Variants in DAB1 observed in about 807,000 individuals in gnomAD.
The protein encoded by DAB1 is DAB adaptor protein 1.
In DAB1, 15 loss-of-function variants were observed where a neutral mutation model predicts 64.6. The ratio of observed to expected loss-of-function variants is 0.23; its 90% CI spans 0.16 to 0.36. DAB1 has a LOEUF of 0.36. DAB1 is among the 10% of genes least tolerant of loss of function. The pLI is 1.00. For synonymous variants in DAB1, 235 were observed against 251.9 expected, an observed-to-expected ratio of 0.93 and a Z score of 0.64; for missense variants, 596 against 706.7, an observed-to-expected ratio of 0.84 and a Z score of 1.78.
intron 2 of DAB1, among the ~76,000 whole-genome samples, chr1:57,256,265 T>A (rs952670612): frequency 2.6e-5 from 4 of 152,178 alleles, no homozygotes; most frequent in African/African-American, 9.7e-5. Context: ...TAATCAGAGA[T>A]CACAAAAGTT....
chr1:57,810,613 T>C (rs1234885507), intron 6 of DAB1, among the ~76,000 whole-genome samples: 1 of 152,084 alleles, frequency 6.6e-6, no homozygotes, highest in Admixed American at 6.5e-5. Context: ...TAACAACTCA[T>C]CCTCAGCTGT....
intron 6 of DAB1, among the ~76,000 whole-genome samples, chr1:57,715,381 C>T (rs1446161149): frequency 2.0e-5 from 3 of 152,108 alleles, no homozygotes; most frequent in Non-Finnish European, 4.4e-5. Flanking sequence ...GACAAGGATG[C>T]CCACTTTCAC....
chr1:57,666,173 G>T (rs1433367787), intron 6 of DAB1, among the ~76,000 whole-genome samples: 1 of 152,002 alleles, frequency 6.6e-6, no homozygotes, highest in African/African-American at 2.4e-5. Flanking sequence ...ATTTTATGAG[G>T]AGCACATTCA....
chr1:58,338,852 A>G (rs1663184603), intron 4 of DAB1, among the ~76,000 whole-genome samples: 1 of 152,256 alleles, frequency 6.6e-6, no homozygotes, highest in Non-Finnish European at 1.5e-5. Flanking sequence ...TCTGATTCAT[A>G]CTGTAACATA....
intron 4 of DAB1, among the ~76,000 whole-genome samples, chr1:58,257,388 C>T (rs988646354): frequency 2.0e-5 from 3 of 152,228 alleles, no homozygotes; most frequent in Non-Finnish European, 4.4e-5. Flanking sequence ...ATCCAGCCTG[C>T]TCTCCAAACC....
intron 4 of DAB1, among the ~76,000 whole-genome samples, chr1:58,327,790 C>T (rs1662869208): frequency 6.6e-6 from 1 of 152,146 alleles, no homozygotes; most frequent in Non-Finnish European, 1.5e-5. Flanking sequence ...GAAACCCTGT[C>T]TCTACTAAAA....
chr1:57,257,740 T>G (rs1198573897), intron 2 of DAB1, among the ~76,000 whole-genome samples: 2 of 152,338 alleles, frequency 1.3e-5, no homozygotes, highest in East Asian at 3.9e-4. Flanking sequence ...ATACTCCCTC[T>G]GGGGGCTCTG....
chr1:57,705,874 G>GTTTTT (rs11375591), intron 6 of DAB1, among the ~76,000 whole-genome samples: 1 of 144,768 alleles, frequency 6.9e-6, no homozygotes, highest in Non-Finnish European at 1.5e-5. Context: ...CAATACTAGG[G>GTTTTT]TTTTTTTTTT....
intron 1 of DAB1, among the ~76,000 whole-genome samples, chr1:57,320,576 C>A (rs1301167801): frequency 6.6e-6 from 1 of 152,160 alleles, no homozygotes; most frequent in Non-Finnish European, 1.5e-5. Flanking sequence ...ATGCATGGAT[C>A]TCTTGCTCAG....
intron 4 of DAB1, among the ~76,000 whole-genome samples, chr1:58,332,728 T>C (rs971043046): frequency 6.6e-6 from 1 of 152,092 alleles, no homozygotes; most frequent in Non-Finnish European, 1.5e-5. Flanking sequence ...GACAGAAATA[T>C]GGCTGGACAT....
At chr1:57,685,367 C>T (rs1304028452) in intron 6 of DAB1, among the ~76,000 whole-genome samples, 1 of 151,994 alleles carries the variant, frequency 6.6e-6, no homozygotes, top group African/African-American at 2.4e-5. Flanking sequence ...ACTTAAGTCT[C>T]CTAAATATAC....
At chr1:57,570,340 C>T (rs1645179292) in intron 7 of DAB1, among the ~76,000 whole-genome samples, 1 of 152,084 alleles carries the variant, frequency 6.6e-6, no homozygotes, top group African/African-American at 2.4e-5. Context: ...TCTCACTGGG[C>T]AGACAACCTA....
At chr1:57,273,945 C>T (rs1011658911) in intron 2 of DAB1, among the ~76,000 whole-genome samples, 2 of 152,046 alleles carry the variant, frequency 1.3e-5, no homozygotes, top group Non-Finnish European at 2.9e-5. Context: ...CAGATGCAAA[C>T]CTCACCCTAT....
chr1:58,119,418 C>T (rs1201191558), intron 5 of DAB1, among the ~76,000 whole-genome samples: 1 of 152,100 alleles, frequency 6.6e-6, no homozygotes, highest in Non-Finnish European at 1.5e-5. Flanking sequence ...GTGGGTGCTG[C>T]CCCAAGCCCA....
chr1:57,737,438 C>T (rs934427772), intron 6 of DAB1, among the ~76,000 whole-genome samples: 3 of 152,150 alleles, frequency 2.0e-5, no homozygotes, highest in South Asian at 2.1e-4. Context: ...AAGCACTTAC[C>T]CTTTGCACGT....
At chr1:58,027,304 G>A (rs186316368) in intron 5 of DAB1, among the ~76,000 whole-genome samples, 92 of 152,220 alleles carry the variant, frequency 6.0e-4, no homozygotes, top group African/African-American at 2.1e-3. Flanking sequence ...CTGGCTTCAA[G>A]GGATCTCTTG....
chr1:58,164,505 G>A (rs1254772434), intron 4 of DAB1, among the ~76,000 whole-genome samples: 4 of 152,080 alleles, frequency 2.6e-5, no homozygotes, highest in African/African-American at 7.2e-5. Context: ...TTTTCCAGTC[G>A]GCTCTGATTT....
At chr1:58,098,645 G>C (rs1651131555) in intron 5 of DAB1, among the ~76,000 whole-genome samples, 1 of 152,180 alleles carries the variant, frequency 6.6e-6, no homozygotes, top group Non-Finnish European at 1.5e-5. Flanking sequence ...TCTGGAAAGA[G>C]GTAATTATGT....
intron 6 of DAB1, among the ~76,000 whole-genome samples, chr1:57,781,120 CTCTCTCTATATATA>C (rs1204700241): frequency 4.1e-4 from 20 of 48,322 alleles, no homozygotes; most frequent in South Asian, 2.4e-3. Context: ...CTCTCTCTCT[CTCTCTCTATATATA>C]TATATATATA....
Sources: allele counts gnomAD v4.1 joint callset (sites outside exome capture counted in the v4.1 genomes callset), GRCh38; gene constraint gnomAD v4.1.1; transcripts MANE v1.5; gene names NCBI Gene and HGNC (gene_info 2026-07-23, HGNC 2026-07-21).